Variants in SWT1 observed in about 807,000 individuals in gnomAD.
SWT1 encodes transcriptional protein SWT1.
Under a neutral mutation model 107.3 loss-of-function variants are expected in SWT1, and 33 were observed. The ratio of observed to expected loss-of-function variants is 0.31; its 90% CI spans 0.23 to 0.41. The LOEUF is 0.41. Among genes scored for constraint, SWT1 ranks in the 10% least tolerant of loss-of-function variants. The probability of loss-of-function intolerance (pLI) is 1.00; values close to 1 mark genes in which losing one functional copy is unlikely to be tolerated. For synonymous variants in SWT1, 345 were observed against 348.3 expected, an observed-to-expected ratio of 0.99 and a Z score of 0.11; for missense variants, 898 against 1,028.9, an observed-to-expected ratio of 0.87 and a Z score of 1.74.
At chr1:185,288,278 C>T (rs1207356499) in intron 18 of SWT1, among the ~76,000 whole-genome samples, 2 of 152,050 alleles carry the variant, frequency 1.3e-5, no homozygotes, top group East Asian at 3.9e-4. Flanking sequence ...GCAGGTCACA[C>T]TGTATTGCTT....
chr1:185,199,558 G>A (rs1031502903), intron 10 of SWT1, among the ~76,000 whole-genome samples: 1 of 152,074 alleles, frequency 6.6e-6, no homozygotes, highest in East Asian at 1.9e-4. Flanking sequence ...CTTTAAGATT[G>A]TTGAATATTG....
chr1:185,167,749 A>G (rs982192493), intron 3 of SWT1, among the ~76,000 whole-genome samples: 5 of 152,054 alleles, frequency 3.3e-5, no homozygotes, highest in African/African-American at 4.8e-5. Flanking sequence ...TTTCTGCTGA[A>G]TTTATACCAG....
chr1:185,201,100 C>A (rs998697142), intron 10 of SWT1, among the ~76,000 whole-genome samples: 6 of 152,080 alleles, frequency 3.9e-5, no homozygotes, highest in Non-Finnish European at 2.9e-5. Context: ...TGCCCCTCCC[C>A]CCACCAAATT....
intron 17 of SWT1, among the ~76,000 whole-genome samples, chr1:185,275,164 G>A (rs1664152693): frequency 6.6e-6 from 1 of 151,888 alleles, no homozygotes; most frequent in Admixed American, 6.6e-5. Flanking sequence ...TTTCTCAATA[G>A]TTGTAGAAAA....
At chr1:185,219,470 T>C (rs1397592153) in intron 14 of SWT1, among the ~76,000 whole-genome samples, 2 of 152,294 alleles carry the variant, frequency 1.3e-5, no homozygotes, top group East Asian at 3.9e-4. Context: ...AAATTTTATT[T>C]AAAAAAATTT....
At position 185,251,412 on chromosome 1, in the gene SWT1, G is replaced by GA. The variant is rs988309560; in HGVS notation, c.2441+19711dup. ...TCCCACTGCTTCACTTTAGCCTAAA[G>GA]AAAAAAATTGATTTTATGTTGTCCA... is the stretch of plus-strand genomic sequence containing the variant. On this transcript the variant is annotated intron_variant, in intron 16 of 18. Coordinates refer to ENST00000367500, the MANE Select transcript of SWT1 (RefSeq NM_017673.7). 14 of 152,340 alleles carry GA rather than the reference G, an allele frequency of 9.2e-5. 1 individual carries two copies. The highest frequency in any genetic ancestry group is 3.4e-4 in the African/African-American group (14 of 41,508). The allele number at this position is 152,340 out of a possible 1,614,324, so 9.4% of individuals were successfully genotyped here.
intron 15 of SWT1, among the ~76,000 whole-genome samples, chr1:185,224,125 G>A (rs1364421509): frequency 1.3e-5 from 2 of 152,158 alleles, no homozygotes; most frequent in African/African-American, 2.4e-5. Context: ...GAGATGTATA[G>A]TTTGCATATA....
intron 16 of SWT1, among the ~76,000 whole-genome samples, 157 bp from the exon 17 acceptor site, chr1:185,271,166 T>TAA (rs1339811667): frequency 6.6e-6 from 1 of 152,244 alleles, no homozygotes; most frequent in African/African-American, 2.4e-5. Context: ...TCTGGTTTTA[T>TAA]AATTTTTAAT....
chr1:185,165,954 C>G (rs750680831), intron 2 of SWT1, among the ~76,000 whole-genome samples: 3 of 152,194 alleles, frequency 2.0e-5, no homozygotes, highest in Admixed American at 2.0e-4. Flanking sequence ...TTTAAAATGG[C>G]GAGTCTTCCC....
rs769947837 is a variant in SWT1, at chr1:185,184,976, G to C, written c.1429+45G>C. On this transcript the variant is annotated intron_variant, in intron 9 of 18. Transcript: ENST00000367500. ...AGTGCCTCCTGATTAATACTTGTTT[G>C]GGTGCAGACTCATTATTGGAGGGAA... is the stretch of plus-strand genomic sequence containing the variant. The C allele has an allele frequency of 2.3e-6, 3 of 1,292,224 alleles. No homozygotes were observed. In the African/African-American group the frequency reaches 4.6e-5, roughly 20 times the overall value. 80.0% of individuals were successfully genotyped at this position (1,292,224 alleles called of 1,614,324 possible).
Position 185,182,032 on chromosome 1 carries a change from A to C in SWT1, c.1113A>C (p.Leu371Phe). 6.2e-7 allele frequency: 1 copy of C among 1,613,730 alleles called. No individual in the cohort carries two copies. The highest frequency in any genetic ancestry group is 8.5e-7 in the Non-Finnish European group (1 of 1,179,688). Residue 371 changes from leucine (L) to phenylalanine (F), a missense_variant, in exon 7 of 19, where the codon TTA becomes TTC. This residue lies in a region of SWT1 where 94 missense variants were observed against 114.5 expected (regional missense o/e 0.82). Transcript: ENST00000367500. ...AGTTAATGAGTATGGAAATTGACTT[A>C]GAAGATGATGTACATTCCTCCTCTG... ...PGELMSMEID[L>F]EDDVHSSSAN...
intron 18 of SWT1, among the ~76,000 whole-genome samples, chr1:185,283,511 A>G (rs2102777873): frequency 6.6e-6 from 1 of 152,350 alleles, no homozygotes; most frequent in Non-Finnish European, 1.5e-5. Flanking sequence ...AGTTCTTGAT[A>G]AAGTGTTTTG....
intron 5 of SWT1, chr1:185,176,710 C>T: frequency 1.0e-6 from 1 of 984,374 alleles, no homozygotes; most frequent in Non-Finnish European, 1.2e-6. Flanking sequence ...TGTGGCCAGG[C>T]CTGGTGCCTC....
At chr1:185,216,721 T>C (rs969478279) in intron 14 of SWT1, among the ~76,000 whole-genome samples, 2 of 151,824 alleles carry the variant, frequency 1.3e-5, no homozygotes, top group African/African-American at 2.4e-5. Context: ...GGAGGCTGAG[T>C]TGGGTGGATC....
chr1:185,245,407 T>C (rs1459641129), intron 16 of SWT1, among the ~76,000 whole-genome samples: 1 of 152,146 alleles, frequency 6.6e-6, no homozygotes, highest in Non-Finnish European at 1.5e-5. Context: ...CTGTCTCCTA[T>C]GATAACAGTG....
chr1:185,205,668 A>C (rs1029732529), intron 12 of SWT1, among the ~76,000 whole-genome samples: 4 of 152,074 alleles, frequency 2.6e-5, no homozygotes, highest in African/African-American at 9.7e-5. Flanking sequence ...TATAGCTAGG[A>C]GAAACATGAT....
intron 16 of SWT1, among the ~76,000 whole-genome samples, chr1:185,247,008 T>C (rs2102629759): frequency 6.6e-6 from 1 of 152,170 alleles, no homozygotes; most frequent in East Asian, 1.9e-4. Flanking sequence ...AAACTAGAAA[T>C]AGTGGCATCA....
chr1:185,218,050 G>A (rs896578739), intron 14 of SWT1, among the ~76,000 whole-genome samples: 3 of 152,068 alleles, frequency 2.0e-5, no homozygotes, highest in Non-Finnish European at 4.4e-5. Flanking sequence ...AAAAGGTTGG[G>A]GACTGATGCT....
intron 18 of SWT1, among the ~76,000 whole-genome samples, chr1:185,284,101 A>G (rs993241745): frequency 6.6e-6 from 1 of 152,182 alleles, no homozygotes; most frequent in African/African-American, 2.4e-5. Context: ...ATCTTGGACA[A>G]CACTTGTTAT....
Sources: allele counts gnomAD v4.1 joint callset (sites outside exome capture counted in the v4.1 genomes callset), GRCh38; gene constraint gnomAD v4.1.1; regional missense constraint gnomAD v4.1.1; transcripts MANE v1.5; gene names NCBI Gene and HGNC (gene_info 2026-07-23, HGNC 2026-07-21).